The following CYP2J2 variants were observed in gnomAD, a reference collection of about 807,000 sequenced individuals.
CYP2J2 encodes cytochrome P450 2J2.
In CYP2J2, 41 loss-of-function variants were observed where a neutral mutation model predicts 48.8. The observed-to-expected ratio is 0.84, with a 90% CI of 0.66 to 1.09. The LOEUF is 1.09. Ranked by LOEUF, CYP2J2 falls within the 50% of genes least tolerant of loss-of-function variation. The pLI, the probability that CYP2J2 is intolerant of heterozygous loss-of-function variation, is 0.00. For missense variants in CYP2J2, 644 were observed against 617.3 expected, an observed-to-expected ratio of 1.04 and a Z score of -0.46; for synonymous variants, 221 against 227.1, an observed-to-expected ratio of 0.97 and a Z score of 0.24.
chr1:59,914,578 C>T (rs1373682636), intron 2 of CYP2J2, among the ~76,000 whole-genome samples: 1 of 152,162 alleles, frequency 6.6e-6, no homozygotes, highest in Non-Finnish European at 1.5e-5. Flanking sequence ...CAGGATGTGC[C>T]TTGTTAACAA....
At chr1:59,913,841 T>G (rs144263619) in intron 2 of CYP2J2, among the ~76,000 whole-genome samples, 129 of 152,354 alleles carry the variant, frequency 8.5e-4, no homozygotes, top group African/African-American at 2.9e-3. Context: ...CTTCTCTACT[T>G]AAAGCCATTC....
chr1:59,913,811 T>C (rs1644440665), intron 2 of CYP2J2, among the ~76,000 whole-genome samples: 2 of 152,334 alleles, frequency 1.3e-5, no homozygotes, highest in East Asian at 1.9e-4. Context: ...CCTAAAAATA[T>C]ACAGTGTAAA....
chr1:59,896,305 AT>A (rs1644268476), intron 8 of CYP2J2, among the ~76,000 whole-genome samples: 1 of 88,822 alleles, frequency 1.1e-5, no homozygotes, highest in Non-Finnish European at 2.1e-5. Context: ...CATATATAAA[AT>A]ATATATATAT....
chr1:59,938,002 T>C, the CYP2J2 span, among the ~76,000 whole-genome samples: 1 of 152,186 alleles, frequency 6.6e-6, no homozygotes, highest in Non-Finnish European at 1.5e-5. Context: ...TCTTTGAGTT[T>C]CCTCAAAATA....
chr1:59,922,477 C>T (rs1246379133), intron 1 of CYP2J2, among the ~76,000 whole-genome samples: 3 of 152,070 alleles, frequency 2.0e-5, no homozygotes, highest in Admixed American at 6.6e-5. Context: ...CACCCAGAAA[C>T]ATAAAAATGC....
chr1:59,967,193 C>T, the CYP2J2 span, among the ~76,000 whole-genome samples: 2 of 152,192 alleles, frequency 1.3e-5, no homozygotes, highest in African/African-American at 4.8e-5. Flanking sequence ...AGCTCTTGCT[C>T]GAGGAGCCAC....
chr1:59,950,555 A>G, the CYP2J2 span, among the ~76,000 whole-genome samples: 1 of 152,194 alleles, frequency 6.6e-6, no homozygotes, highest in Non-Finnish European at 1.5e-5. Context: ...CATCTCTTGC[A>G]GTAATGAGGT....
At chr1:59,963,166 A>G in the CYP2J2 span, among the ~76,000 whole-genome samples, 2 of 152,212 alleles carry the variant, frequency 1.3e-5, no homozygotes, top group Non-Finnish European at 2.9e-5. Context: ...TTGGAATTAC[A>G]TTCTTAATTT....
chr1:59,960,138 C>A, the CYP2J2 span, among the ~76,000 whole-genome samples: 1 of 152,026 alleles, frequency 6.6e-6, no homozygotes, highest in African/African-American at 2.4e-5. Context: ...CACTTGAGTG[C>A]AGAGTTTATT....
Position 59,926,646 on chromosome 1 carries a change from A to T in CYP2J2, c.101T>A (p.Phe34Tyr). The T allele has an allele frequency of 6.2e-7, 1 of 1,614,190 alleles. No homozygotes were observed. The highest frequency in any genetic ancestry group is 1.1e-5 in the South Asian group (1 of 91,084). Reference sequence around the variant, plus strand: ...GTTCTTTGGGCGCCGTCTTTTGAGAAAGTCAGCAGCGAGCAGAAAGGCGAC... The same window carrying T: ...GTTCTTTGGGCGCCGTCTTTTGAGATAGTCAGCAGCGAGCAGAAAGGCGAC... ...GTVAFLLAADFLKRRRPKNYP... is the reference protein window; with the variant it reads ...GTVAFLLAADYLKRRRPKNYP... The change falls in exon 1 of 9, where the codon TTT becomes TAT. Residue 34 changes from phenylalanine to tyrosine, a missense_variant. Physicochemically the swap from Phe to Tyr is conservative, Grantham distance 22. Transcript: ENST00000371204.
the CYP2J2 span, among the ~76,000 whole-genome samples, chr1:59,936,378 G>A: frequency 3.3e-5 from 5 of 152,090 alleles, no homozygotes; most frequent in African/African-American, 1.2e-4. Context: ...TGCGTCACAC[G>A]TGAACACCTC....
the CYP2J2 span, among the ~76,000 whole-genome samples, chr1:59,948,431 A>C: frequency 6.6e-6 from 1 of 152,224 alleles, no homozygotes; most frequent in Non-Finnish European, 1.5e-5. Flanking sequence ...ACATAAACTT[A>C]TTTAGGCATT....
At chr1:59,938,293 G>A in the CYP2J2 span, among the ~76,000 whole-genome samples, 1 of 152,176 alleles carries the variant, frequency 6.6e-6, no homozygotes, top group African/African-American at 2.4e-5. Context: ...TCAGCATGCG[G>A]AGGACCTGCA....
chr1:59,938,576 G>A, the CYP2J2 span, among the ~76,000 whole-genome samples: 106 of 150,792 alleles, frequency 7.0e-4, no homozygotes, highest in African/African-American at 2.2e-3. Flanking sequence ...TCCCACCATA[G>A]GGCGGTTTTT....
intron 5 of CYP2J2, among the ~76,000 whole-genome samples, chr1:59,909,084 G>T (rs1477250703): frequency 1.4e-4 from 21 of 152,116 alleles, no homozygotes; most frequent in Admixed American, 1.4e-3. Context: ...AGGGGATGGG[G>T]GATGAAAGGG....
At chr1:59,946,413 C>A in the CYP2J2 span, among the ~76,000 whole-genome samples, 7 of 152,320 alleles carry the variant, frequency 4.6e-5, no homozygotes, top group African/African-American at 1.7e-4. Context: ...TGTAAAACTG[C>A]AACTCCTTTC....
intron 7 of CYP2J2, chr1:59,904,573 C>T: frequency 3.7e-6 from 1 of 272,402 alleles, no homozygotes; most frequent in Non-Finnish European, 6.8e-6. Context: ...CTGCTGCCTG[C>T]CACGTGCCCA....
At chr1:59,950,096 T>A in the CYP2J2 span, among the ~76,000 whole-genome samples, 1 of 152,184 alleles carries the variant, frequency 6.6e-6, no homozygotes, top group Non-Finnish European at 1.5e-5. Context: ...TGGTCCATTG[T>A]CAACTCGGTA....
chr1:59,936,060 T>G, the CYP2J2 span, among the ~76,000 whole-genome samples: 2 of 152,208 alleles, frequency 1.3e-5, no homozygotes, highest in Non-Finnish European at 2.9e-5. Flanking sequence ...AGCCACTGCG[T>G]CTGGCCCAGA....
Sources: allele counts gnomAD v4.1 joint callset (sites outside exome capture counted in the v4.1 genomes callset), GRCh38; gene constraint gnomAD v4.1.1; transcripts MANE v1.5; gene names NCBI Gene and HGNC (gene_info 2026-07-23, HGNC 2026-07-21).